PRKCA: variants seen among roughly 807,000 people sequenced by gnomAD.
The protein encoded by PRKCA is protein kinase C alpha, also known as protein kinase C alpha type.
A neutral mutation model predicts 87.0 loss-of-function variants in PRKCA; 27 were observed. That is an observed-to-expected ratio of 0.31 (90% CI 0.23 to 0.43). The LOEUF is 0.43. Ranked by LOEUF, PRKCA falls within the 20% of genes least tolerant of loss-of-function variation. The pLI is 1.00. For synonymous variants in PRKCA, 329 were observed against 311.1 expected (o/e 1.06, Z -0.61); for missense variants, 518 against 852.3 (o/e 0.61, Z 4.88).
chr17:66,694,286 G>T (rs903896788), intron 8 of PRKCA, among the ~76,000 whole-genome samples: 1 of 151,958 alleles, frequency 6.6e-6, no homozygotes, highest in African/African-American at 2.4e-5. Context: ...TTCAAGACAA[G>T]CCTGGCCAAG....
intron 8 of PRKCA, among the ~76,000 whole-genome samples, chr17:66,699,549 A>G (rs1035115713): frequency 3.9e-5 from 6 of 152,236 alleles, no homozygotes; most frequent in African/African-American, 1.4e-4. Context: ...ATCTCCCAGG[A>G]AAGAAAAGCC....
At chr17:66,798,477 T>TGAC (rs1975744948) in intron 16 of PRKCA, among the ~76,000 whole-genome samples, 1 of 69,430 alleles carries the variant, frequency 1.4e-5, no homozygotes, top group African/African-American at 5.4e-5. Context: ...GTGGTGGTGG[T>TGAC]GGTGGTGGTG....
chr17:66,362,437 C>T (rs948432453), intron 2 of PRKCA, among the ~76,000 whole-genome samples: 2 of 152,192 alleles, frequency 1.3e-5, no homozygotes, highest in African/African-American at 4.8e-5. Flanking sequence ...GCTCTCCAGG[C>T]TGGGTGTCAT....
intron 2 of PRKCA, among the ~76,000 whole-genome samples, chr17:66,311,732 A>G (rs926311292): frequency 6.6e-6 from 1 of 152,216 alleles, no homozygotes; most frequent in African/African-American, 2.4e-5. Context: ...ACTAGTGTTG[A>G]GTGTTCCCAT....
chr17:66,775,017 T>C (rs1403585486), intron 14 of PRKCA: 1 of 985,322 alleles, frequency 1.0e-6, no homozygotes, highest in Admixed American at 6.1e-5. Context: ...TCGTACTATC[T>C]GCCACTTCTA....
At chr17:66,783,991 C>T (rs1034775038) in intron 14 of PRKCA, among the ~76,000 whole-genome samples, 28 of 152,214 alleles carry the variant, frequency 1.8e-4, no homozygotes, top group African/African-American at 6.3e-4. Flanking sequence ...GCTCCGCTGT[C>T]GCATCTGGAA....
At chr17:66,333,905 CTT>C (rs1334019266) in intron 2 of PRKCA, among the ~76,000 whole-genome samples, 1 of 152,150 alleles carries the variant, frequency 6.6e-6, no homozygotes, top group Non-Finnish European at 1.5e-5. Flanking sequence ...TTATACTAGT[CTT>C]GTGTTCTTTT....
intron 2 of PRKCA, among the ~76,000 whole-genome samples, chr17:66,319,274 G>T (rs1380456253): frequency 6.6e-6 from 1 of 152,148 alleles, no homozygotes; most frequent in Non-Finnish European, 1.5e-5. Context: ...GAAGTATATT[G>T]CTAATGCTTT....
At chr17:66,708,914 G>A (rs1973252281) in intron 8 of PRKCA, among the ~76,000 whole-genome samples, 1 of 152,124 alleles carries the variant, frequency 6.6e-6, no homozygotes, top group Non-Finnish European at 1.5e-5. Context: ...GGAACAAAAT[G>A]GCCTATTTTA....
chr17:66,363,056 A>C (rs532945130), intron 2 of PRKCA, among the ~76,000 whole-genome samples: 1 of 152,324 alleles, frequency 6.6e-6, no homozygotes, highest in East Asian at 1.9e-4. Context: ...TAGAGGTCTT[A>C]GAAATCTTAC....
intron 2 of PRKCA, among the ~76,000 whole-genome samples, chr17:66,314,864 G>GAT (rs1229988553): frequency 0.042 from 4,989 of 119,576 alleles, 255 homozygotes; most frequent in African/African-American, 0.13. Context: ...TCTCTCTCTA[G>GAT]ATATATATAT....
intron 5 of PRKCA, among the ~76,000 whole-genome samples, chr17:66,682,613 A>C (rs1441602065): frequency 6.6e-6 from 1 of 152,264 alleles, no homozygotes; most frequent in Non-Finnish European, 1.5e-5. Context: ...TGTTGTGTTT[A>C]GAGACTACCT....
At chr17:66,744,910 T>G (rs117285597) in intron 13 of PRKCA, among the ~76,000 whole-genome samples, 2 of 152,034 alleles carry the variant, frequency 1.3e-5, no homozygotes, top group African/African-American at 4.8e-5. Flanking sequence ...TCTTCTTCCC[T>G]CCCCCATGCA....
At chr17:66,757,156 T>G (rs1974566625) in intron 13 of PRKCA, among the ~76,000 whole-genome samples, 1 of 151,030 alleles carries the variant, frequency 6.6e-6, no homozygotes, top group Admixed American at 6.6e-5. Flanking sequence ...TGGACACAGC[T>G]GAGTCTGGGG....
At chr17:66,762,370 A>C (rs1273972090) in intron 13 of PRKCA, among the ~76,000 whole-genome samples, 1 of 152,084 alleles carries the variant, frequency 6.6e-6, no homozygotes, top group Non-Finnish European at 1.5e-5. Context: ...TTTAATCCCC[A>C]CCACCTGCTT....
intron 16 of PRKCA, among the ~76,000 whole-genome samples, chr17:66,790,783 T>C (rs1975515420): frequency 6.6e-6 from 1 of 152,148 alleles, no homozygotes. Flanking sequence ...AGAGTGTTTA[T>C]TTGCATAGTC....
intron 5 of PRKCA, among the ~76,000 whole-genome samples, chr17:66,674,716 G>A (rs759254339): frequency 2.0e-5 from 3 of 152,178 alleles, no homozygotes; most frequent in Non-Finnish European, 4.4e-5. Context: ...CTCAAGCTGT[G>A]GTAGAGAATA....
intron 14 of PRKCA, among the ~76,000 whole-genome samples, chr17:66,786,050 G>C (rs7211902): frequency 1.3e-5 from 2 of 152,102 alleles, no homozygotes; most frequent in Non-Finnish European, 1.5e-5. Context: ...GGATGGTCTC[G>C]ATCACCTGCC....
chr17:66,707,919 G>C (rs1466917595), intron 8 of PRKCA, among the ~76,000 whole-genome samples: 1 of 152,204 alleles, frequency 6.6e-6, no homozygotes, highest in Admixed American at 6.5e-5. Context: ...CTGCTGAAAA[G>C]ATTATGGCTC....
Sources: allele counts gnomAD v4.1 joint callset (sites outside exome capture counted in the v4.1 genomes callset), GRCh38; gene constraint gnomAD v4.1.1; transcripts MANE v1.5; gene names NCBI Gene and HGNC (gene_info 2026-07-23, HGNC 2026-07-21).